Variants in CIRSR observed in about 807,000 individuals in gnomAD.
CIRSR encodes the protein CBF1 (RBPJ) interacting corepressor 1.
the CIRSR span, among the ~76,000 whole-genome samples, chr2:174,388,344 C>T: frequency 6.6e-6 from 1 of 151,970 alleles, no homozygotes; most frequent in Admixed American, 6.6e-5. Context: ...GATTACAGGA[C>T]CCTGCCACCA....
At chr2:174,393,585 G>A in the CIRSR span, among the ~76,000 whole-genome samples, 1 of 151,660 alleles carries the variant, frequency 6.6e-6, no homozygotes, top group Non-Finnish European at 1.5e-5. Context: ...GCCTCTCAAA[G>A]TGCTGGAATT....
the CIRSR span, chr2:174,387,925 C>A: frequency 5.2e-6 from 3 of 574,188 alleles, no homozygotes; most frequent in Admixed American, 3.9e-5. Flanking sequence ...AGAAAACACA[C>A]TAATACACAG....
At chr2:174,393,607 C>G in the CIRSR span, among the ~76,000 whole-genome samples, 1 of 151,810 alleles carries the variant, frequency 6.6e-6, no homozygotes, top group African/African-American at 2.4e-5. Flanking sequence ...TAGGTATGAG[C>G]CACCATACCT....
At chr2:174,354,715 A>AAT in the CIRSR span, among the ~76,000 whole-genome samples, 1 of 103,192 alleles carries the variant, frequency 9.7e-6, no homozygotes, top group Non-Finnish European at 1.8e-5. Flanking sequence ...TATATAATAT[A>AAT]ATATATATTA....
the CIRSR span, among the ~76,000 whole-genome samples, chr2:174,379,692 T>C: frequency 6.6e-6 from 1 of 150,422 alleles, no homozygotes; most frequent in Non-Finnish European, 1.5e-5. Context: ...ATTATAGCTC[T>C]CACTATAAAA....
At chr2:174,354,426 TATATG>T in the CIRSR span, among the ~76,000 whole-genome samples, 2 of 50,586 alleles carry the variant, frequency 4.0e-5, no homozygotes, top group Non-Finnish European at 7.8e-5. Flanking sequence ...TAATATATAT[TATATG>T]ATATATATAA....
At chr2:174,372,477 G>A in the CIRSR span, among the ~76,000 whole-genome samples, 1 of 152,092 alleles carries the variant, frequency 6.6e-6, no homozygotes, top group African/African-American at 2.4e-5. Flanking sequence ...TTTGACCAAA[G>A]GTTGTAAACA....
At chr2:174,392,158 C>T in the CIRSR span, among the ~76,000 whole-genome samples, 2 of 152,152 alleles carry the variant, frequency 1.3e-5, no homozygotes, top group African/African-American at 4.8e-5. Flanking sequence ...CCACCACACC[C>T]AGCTAATTTT....
At chr2:174,382,056 T>C in the CIRSR span, among the ~76,000 whole-genome samples, 2 of 152,214 alleles carry the variant, frequency 1.3e-5, no homozygotes, top group African/African-American at 4.8e-5. Context: ...GTCATTTTTC[T>C]TACAGGATTT....
At chr2:174,352,780 C>G in the CIRSR span, among the ~76,000 whole-genome samples, 3 of 152,174 alleles carry the variant, frequency 2.0e-5, no homozygotes. Flanking sequence ...AAATGACGTA[C>G]TCCAGCTGAT....
At chr2:174,354,768 A>AT in the CIRSR span, among the ~76,000 whole-genome samples, 10 of 67,286 alleles carry the variant, frequency 1.5e-4, no homozygotes, top group African/African-American at 2.0e-4. Flanking sequence ...ATATATATAT[A>AT]TATTTTTTTT....
At chr2:174,366,046 GA>G in the CIRSR span, among the ~76,000 whole-genome samples, 1 of 152,164 alleles carries the variant, frequency 6.6e-6, no homozygotes, top group Admixed American at 6.5e-5. Flanking sequence ...AGGAAATGCT[GA>G]AATCAAAAAC....
chr2:174,363,065 T>C, the CIRSR span, among the ~76,000 whole-genome samples: 1 of 152,152 alleles, frequency 6.6e-6, no homozygotes, highest in Non-Finnish European at 1.5e-5. Flanking sequence ...CCAGAGCATT[T>C]TGTTTTCCTT....
chr2:174,348,855 G>A, the CIRSR span: 1 of 1,614,002 alleles, frequency 6.2e-7, no homozygotes. Flanking sequence ...CTTTTCCTTG[G>A]CTTTTTCCCG....
chr2:174,369,887 T>C, the CIRSR span: 2 of 1,237,380 alleles, frequency 1.6e-6, no homozygotes, highest in Non-Finnish European at 1.1e-6. Flanking sequence ...TAATACAAGT[T>C]TGAATTATTG....
chr2:174,359,991 ATAGG>A, the CIRSR span, among the ~76,000 whole-genome samples: 2 of 152,334 alleles, frequency 1.3e-5, no homozygotes, highest in East Asian at 3.9e-4. Context: ...GTTCTCACTC[ATAGG>A]TAGGAATTGA....
the CIRSR span, chr2:174,348,930 G>A: frequency 1.2e-6 from 2 of 1,613,938 alleles, no homozygotes; most frequent in Non-Finnish European, 8.5e-7. Flanking sequence ...CTTCTCTTCA[G>A]AATCACTGTT....
At chr2:174,389,129 G>T in the CIRSR span, among the ~76,000 whole-genome samples, 1 of 152,186 alleles carries the variant, frequency 6.6e-6, no homozygotes, top group Non-Finnish European at 1.5e-5. Context: ...GCTGCTAAAA[G>T]GATACCCGAA....
At chr2:174,386,242 C>T in the CIRSR span, among the ~76,000 whole-genome samples, 8 of 152,108 alleles carry the variant, frequency 5.3e-5, no homozygotes, top group South Asian at 2.1e-4. Flanking sequence ...AGTTCAGTGG[C>T]GTGATCTTGG....
Sources: allele counts gnomAD v4.1 joint callset (sites outside exome capture counted in the v4.1 genomes callset), GRCh38; gene constraint gnomAD v4.1.1; transcripts MANE v1.5; gene names NCBI Gene and HGNC (gene_info 2026-07-23, HGNC 2026-07-21).